The following SPICE1 variants were observed in gnomAD, a reference collection of about 807,000 sequenced individuals.
SPICE1 encodes spindle and centriole-associated protein 1.
A neutral mutation model predicts 102.7 loss-of-function variants in SPICE1; 75 were observed. That is an observed-to-expected ratio of 0.73 (90% CI 0.61 to 0.88). The LOEUF (loss-of-function observed/expected upper bound fraction) is 0.88, where lower values mean the gene tolerates loss of function less well. Among genes scored for constraint, SPICE1 ranks in the 40% least tolerant of loss-of-function variants. The pLI, the probability that SPICE1 is intolerant of heterozygous loss-of-function variation, is 0.00. For missense variants in SPICE1, 979 were observed against 1,020.1 expected (o/e 0.96, Z 0.55); for synonymous variants, 308 against 350.3 (o/e 0.88, Z 1.35).
intron 7 of SPICE1, among the ~76,000 whole-genome samples, chr3:113,477,074 A>C (rs925199896): frequency 2.0e-5 from 3 of 151,802 alleles, no homozygotes; most frequent in Admixed American, 1.3e-4. Context: ...CAAAGAACTC[A>C]AACAAATTTA....
At chr3:113,453,168 C>T (rs1935696350) in intron 14 of SPICE1, among the ~76,000 whole-genome samples, 1 of 152,118 alleles carries the variant, frequency 6.6e-6, no homozygotes, top group Non-Finnish European at 1.5e-5. Flanking sequence ...ATTCAAGTAA[C>T]ATTAATTCTA....
At position 113,443,729 on chromosome 3, in the gene SPICE1, C is replaced by G. The variant is rs1311180963; in HGVS notation, c.*1578G>C. ...TGCCTATGTTCCCATTCTAATGCCA[C>G]CACTCCCTAGTTGTGTGACCTTGAG... On this transcript the variant is annotated 3_prime_UTR_variant, in exon 18 of 18. Transcript: ENST00000295872. 6.6e-6 allele frequency: 1 copy of G among 152,226 alleles called. No homozygotes were observed. Among genetic ancestry groups the G allele is most frequent in the Non-Finnish European group, 1.5e-5 (1 of 68,052 alleles). The allele number at this position is 152,226 out of a possible 1,614,324, so 9.4% of individuals were successfully genotyped here. A position where few individuals can be genotyped will look rare whatever the true frequency, so the allele number is the denominator to read the frequency against.
At chr3:113,460,125 G>C (rs540975740) in intron 12 of SPICE1, 1 of 985,396 alleles carries the variant, frequency 1.0e-6, no homozygotes, top group East Asian at 1.1e-4. Context: ...TGGCACATGA[G>C]ATGAAGGAAG....
chr3:113,450,040 T>C (rs1935609328), intron 15 of SPICE1: 2 of 302,172 alleles, frequency 6.6e-6, no homozygotes, highest in African/African-American at 2.1e-5. Flanking sequence ...AGTTGCAGCA[T>C]ATGACCTAAG....
At chr3:113,448,173 C>A (rs1020266664) in intron 15 of SPICE1, 33 bp from the exon 16 acceptor site, 1 of 1,514,518 alleles carries the variant, frequency 6.6e-7, no homozygotes, top group South Asian at 1.3e-5. Flanking sequence ...AGTTCCATTA[C>A]CTTTCAATGA....
intron 7 of SPICE1, among the ~76,000 whole-genome samples, chr3:113,470,912 T>C (rs1299927041): frequency 1.3e-5 from 2 of 152,246 alleles, no homozygotes; most frequent in Non-Finnish European, 2.9e-5. Context: ...TGTCCCATCA[T>C]GGTATTTTGA....
intron 16 of SPICE1, among the ~76,000 whole-genome samples, chr3:113,447,707 A>C (rs560683164): frequency 3.9e-5 from 6 of 152,300 alleles, no homozygotes; most frequent in African/African-American, 1.4e-4. Flanking sequence ...GGAGAGCTTC[A>C]GTTTCATTTA....
intron 14 of SPICE1, 125 bp from the exon 15 acceptor site, chr3:113,450,641 A>C: frequency 1.1e-6 from 1 of 933,820 alleles, no homozygotes; most frequent in African/African-American, 1.7e-5. Flanking sequence ...CAGTGGCGCT[A>C]TCTCGGCTCA....
intron 12 of SPICE1, chr3:113,459,886 A>C: frequency 1.0e-6 from 1 of 980,942 alleles, no homozygotes; most frequent in Non-Finnish European, 1.2e-6. Context: ...CATCTCAAAA[A>C]GAAAAAAAAA....
At chr3:113,470,899 G>C (rs1465596852) in intron 7 of SPICE1, among the ~76,000 whole-genome samples, 1 of 152,186 alleles carries the variant, frequency 6.6e-6, no homozygotes. Context: ...TTCATCCTAT[G>C]TCTGTCCCAT....
intron 11 of SPICE1, among the ~76,000 whole-genome samples, chr3:113,462,361 T>C (rs1559960662): frequency 6.6e-6 from 1 of 152,252 alleles, no homozygotes; most frequent in African/African-American, 2.4e-5. Context: ...GAAATAGTGA[T>C]GCCTGCCATC....
At chr3:113,450,627 A>G in intron 14 of SPICE1, 111 bp from the exon 15 acceptor site, 2 of 1,111,390 alleles carry the variant, frequency 1.8e-6, no homozygotes, top group Non-Finnish European at 1.2e-6. Flanking sequence ...CCCAGGCTGG[A>G]GTGCAGTGGC....
At chr3:113,496,932 A>G (rs1438519077) in intron 4 of SPICE1, among the ~76,000 whole-genome samples, 1 of 152,242 alleles carries the variant, frequency 6.6e-6, no homozygotes, top group Non-Finnish European at 1.5e-5. Flanking sequence ...TACATTATTG[A>G]TAGTAGCAAG....
rs773267115 is a variant in SPICE1, at chr3:113,499,564, G to A, written c.166C>T (p.His56Tyr). The change falls in exon 4 of 18, where the codon CAC becomes TAC. Residue 56 changes from histidine (H) to tyrosine (Y), a missense_variant. Physicochemically the swap from His to Tyr is moderately conservative, Grantham distance 83 (BLOSUM62 2). Coordinates refer to ENST00000295872, the MANE Select transcript of SPICE1 (RefSeq NM_144718.4). ...PEDLVRRHEI[H>Y]KSKNRALVHW... ...ACTAATGCTCTATTCTTCGATTTGT[G>A]TATTTCATGACGGCGTACCTATACA... is the stretch of plus-strand genomic sequence containing the variant. 3.7e-6 allele frequency: 6 copies of A among 1,610,568 alleles called. No homozygotes were observed. In the South Asian group the frequency reaches 5.5e-5, roughly 15 times the overall value.
chr3:113,504,432 G>C (rs759083989), intron 2 of SPICE1, among the ~76,000 whole-genome samples: 2 of 151,948 alleles, frequency 1.3e-5, no homozygotes, highest in Non-Finnish European at 2.9e-5. Context: ...CAATGATTTA[G>C]AAAGGTACAA....
At chr3:113,472,126 A>T (rs1559964530) in intron 7 of SPICE1, among the ~76,000 whole-genome samples, 1 of 152,122 alleles carries the variant, frequency 6.6e-6, no homozygotes, top group Non-Finnish European at 1.5e-5. Context: ...AAACCAGGAG[A>T]TTATATCCGG....
intron 15 of SPICE1, chr3:113,449,320 A>G (rs898358287): frequency 2.3e-5 from 3 of 129,628 alleles, no homozygotes; most frequent in African/African-American, 9.3e-5. Context: ...CGCACATAGT[A>G]CATGTTCGCA....
intron 7 of SPICE1, among the ~76,000 whole-genome samples, chr3:113,482,907 A>T (rs7628945): frequency 0.25 from 38,448 of 152,022 alleles, 5,212 homozygotes; most frequent in African/African-American, 0.35. Context: ...TGGCTCCATA[A>T]GAAGTTTAAA....
intron 4 of SPICE1, among the ~76,000 whole-genome samples, chr3:113,498,443 C>T (rs6438158): frequency 0.21 from 31,722 of 152,018 alleles, 3,576 homozygotes; most frequent in African/African-American, 0.29. Flanking sequence ...TGCCTTTTTT[C>T]GTGGTGAGAT....
Sources: gnomAD v4.1 joint callset for allele counts (sites outside exome capture counted in the v4.1 genomes callset) on GRCh38, gnomAD v4.1.1 for gene constraint, MANE v1.5 for transcripts, NCBI Gene and HGNC (gene_info 2026-07-23, HGNC 2026-07-21) for gene names.